Variants in POLE2 observed in about 807,000 individuals in gnomAD.
The protein encoded by POLE2 is DNA polymerase epsilon subunit 2.
In POLE2, 56 loss-of-function variants were observed where a neutral mutation model predicts 79.4. The ratio of observed to expected loss-of-function variants is 0.71; its 90% CI spans 0.57 to 0.88. POLE2 has a LOEUF of 0.88. POLE2 is among the 40% of genes least tolerant of loss of function. The pLI is 0.00. For synonymous variants in POLE2, 212 were observed against 214.0 expected, an observed-to-expected ratio of 0.99 and a Z score of 0.08; for missense variants, 598 against 638.9, an observed-to-expected ratio of 0.94 and a Z score of 0.69.
chr14:49,684,954 G>A (rs1887024457), intron 1 of POLE2, among the ~76,000 whole-genome samples: 1 of 152,206 alleles, frequency 6.6e-6, no homozygotes, highest in Non-Finnish European at 1.5e-5. Context: ...TCCAGCCTGG[G>A]CAACAGAGAA....
intron 3 of POLE2, among the ~76,000 whole-genome samples, chr14:49,676,255 C>G (rs71420152): frequency 1.3e-5 from 2 of 152,128 alleles, no homozygotes; most frequent in South Asian, 4.1e-4. Flanking sequence ...CACAGCACTA[C>G]TGTATAAATA....
At chr14:49,673,294 A>G (rs1886025051) in intron 5 of POLE2, among the ~76,000 whole-genome samples, 1 of 152,166 alleles carries the variant, frequency 6.6e-6, no homozygotes, top group Non-Finnish European at 1.5e-5. Context: ...CCTGGCTGCG[A>G]CCGAGTTTCT....
chr14:49,658,311 C>T (rs538459291), intron 10 of POLE2, among the ~76,000 whole-genome samples: 206 of 152,132 alleles, frequency 1.4e-3, no homozygotes, highest in African/African-American at 4.7e-3. Context: ...CTCCTGACCT[C>T]GTGATCCGCC....
intron 10 of POLE2, among the ~76,000 whole-genome samples, chr14:49,659,969 C>T (rs887811890): frequency 1.3e-5 from 2 of 152,184 alleles, no homozygotes; most frequent in African/African-American, 2.4e-5. Flanking sequence ...TAATAGCCTA[C>T]AGTAGTGTAC....
At position 49,677,750 on chromosome 14, in the gene POLE2, C is replaced by G; in HGVS notation, c.245+1975G>C. 3 of 1,335,298 alleles carry G rather than the reference C, an allele frequency of 2.2e-6. No individual in the cohort carries two copies. In the South Asian group the frequency reaches 4.7e-5, roughly 21 times the overall value. The allele number at this position is 1,335,298 out of a possible 1,614,324, so 82.7% of individuals were successfully genotyped here. A position where few individuals can be genotyped will look rare whatever the true frequency, so the allele number is the denominator to read the frequency against. On this transcript the variant is annotated intron_variant, in intron 3 of 18. Transcript: ENST00000216367. The stretch of plus-strand genomic sequence containing the variant: ...GAACCAACTCAGCATCCCACAAAGC[C>G]CCACGCATTCTTCAGGAGTGTGGCA...
chr14:49,647,015 C>T (rs188742142), intron 18 of POLE2: 11 of 266,898 alleles, frequency 4.1e-5, no homozygotes, highest in African/African-American at 1.6e-4. Flanking sequence ...GTGAGACCAT[C>T]GTCAGGAGTT....
intron 5 of POLE2, 21 bp from the exon 6 acceptor site, chr14:49,669,619 C>T (rs1311441702): frequency 7.8e-7 from 1 of 1,275,938 alleles, no homozygotes; most frequent in Admixed American, 1.7e-5. Flanking sequence ...GAAAGATTCA[C>T]ATGAATTCCT....
At chr14:49,662,171 C>A (rs970868751) in intron 10 of POLE2, among the ~76,000 whole-genome samples, 2 of 152,200 alleles carry the variant, frequency 1.3e-5, no homozygotes, top group African/African-American at 2.4e-5. Flanking sequence ...TTAGCAAGAT[C>A]AGCACCTTTC....
intron 11 of POLE2, 104 bp downstream of exon 11, chr14:49,655,567 T>A: frequency 2.4e-6 from 2 of 816,904 alleles, no homozygotes; most frequent in South Asian, 3.3e-5. Context: ...TAACTCTGTT[T>A]TTTTTTAAAT....
chr14:49,654,539 G>C (rs1158167169), intron 13 of POLE2: 2 of 463,096 alleles, frequency 4.3e-6, no homozygotes, highest in Non-Finnish European at 7.5e-6. Flanking sequence ...TGAAGCTCTA[G>C]ACTCTTAAGA....
At chr14:49,664,548 T>C (rs542452050) in intron 9 of POLE2, 78 bp downstream of exon 9, 96 of 912,772 alleles carry the variant, frequency 1.1e-4, no homozygotes, top group Admixed American at 5.2e-4. Context: ...AATTATATCA[T>C]GTTAACATAT....
intron 10 of POLE2, 87 bp downstream of exon 10, chr14:49,663,228 A>G: frequency 1.7e-6 from 1 of 572,004 alleles, no homozygotes; most frequent in Non-Finnish European, 3.0e-6. Context: ...GACACCTTTT[A>G]GTAACTGAGA....
chr14:49,648,308 A>C (rs1463938324), intron 17 of POLE2, among the ~76,000 whole-genome samples: 2 of 152,254 alleles, frequency 1.3e-5, no homozygotes, highest in Non-Finnish European at 2.9e-5. Context: ...GTCTAAGGCT[A>C]GTTTTGAGCT....
intron 3 of POLE2, among the ~76,000 whole-genome samples, chr14:49,676,163 T>C (rs557280835): frequency 8.1e-4 from 123 of 152,314 alleles, no homozygotes; most frequent in African/African-American, 2.8e-3. Context: ...TATATAGTGT[T>C]AGAGATGGAA....
At position 49,643,631 on chromosome 14, in the gene POLE2, T is replaced by C; in HGVS notation, c.*21A>G. On this transcript the variant is annotated 3_prime_UTR_variant, in exon 19 of 19. Coordinates refer to ENST00000216367, the MANE Select transcript of POLE2 (RefSeq NM_002692.4). Reference sequence around the variant, plus strand: ...TTAAGCAGAAAACTGATGAATTTTCTTCAGATGATCTTTAAGAATCTCAAA... The same window carrying C: ...TTAAGCAGAAAACTGATGAATTTTCCTCAGATGATCTTTAAGAATCTCAAA... 1.5e-6 allele frequency: 2 copies of C among 1,327,316 alleles called. No individual in the cohort carries two copies. Among genetic ancestry groups the C allele is most frequent in the Admixed American group, 2.2e-5 (1 of 46,120 alleles). The allele number at this position is 1,327,316 out of a possible 1,614,324, so 82.2% of individuals were successfully genotyped here.
At chr14:49,687,191 G>A (rs547803036) in intron 1 of POLE2, among the ~76,000 whole-genome samples, 2 of 151,704 alleles carry the variant, frequency 1.3e-5, no homozygotes, top group East Asian at 3.9e-4. Flanking sequence ...CTTCAGCCCA[G>A]GAGGTTGAGG....
chr14:49,674,433 A>T lies in POLE2; in HGVS notation c.246-6T>A. 4 of 1,583,268 alleles carry T rather than the reference A, an allele frequency of 2.5e-6. No homozygotes were observed. The highest frequency in any genetic ancestry group is 3.5e-6 in the Non-Finnish European group (4 of 1,153,604). On this transcript the variant is annotated splice_region_variant and splice_polypyrimidine_tract_variant and intron_variant, in intron 3 of 18. Transcript: ENST00000216367. ...TGATATTGAAAACGTGCTCTCTGAA[A>T]AACATCCCACAAAATACAGACCTGA...
Position 49,654,012 on chromosome 14 carries a change from C to T in POLE2, c.1189G>A (p.Val397Ile). 1 of 1,592,542 alleles carries T rather than the reference C, an allele frequency of 6.3e-7. No individual in the cohort carries two copies. The highest frequency in any genetic ancestry group is 8.6e-7 in the Non-Finnish European group (1 of 1,161,450). ...NEFRQRVPFS[V>I]FTTNPCRIQY... ...TACCTGCAAGGATTAGTAGTAAAAA[C>T]TGAAAATGGTACCCTTTGTCTGAAT... The change falls in exon 15 of 19, where the codon GTT becomes ATT. Residue 397 changes from valine to isoleucine, a missense_variant. Val to Ile is a conservative substitution (Grantham distance 29). Coordinates refer to ENST00000216367, the MANE Select transcript of POLE2 (RefSeq NM_002692.4).
intron 16 of POLE2, among the ~76,000 whole-genome samples, chr14:49,650,669 A>G (rs1333447231): frequency 2.0e-5 from 3 of 152,208 alleles, no homozygotes; most frequent in Admixed American, 6.5e-5. Flanking sequence ...TAACATATAC[A>G]TCATTATGCT....
Sources: allele counts gnomAD v4.1 joint callset (sites outside exome capture counted in the v4.1 genomes callset), GRCh38; gene constraint gnomAD v4.1.1; transcripts MANE v1.5; gene names NCBI Gene and HGNC (gene_info 2026-07-23, HGNC 2026-07-21).